DNAL1: variants seen among roughly 807,000 people sequenced by gnomAD.
DNAL1 encodes the protein dynein axonemal light chain 1.
In DNAL1, 17 loss-of-function variants were observed where a neutral mutation model predicts 29.4. The ratio of observed to expected loss-of-function variants is 0.58; its 90% CI spans 0.40 to 0.87. DNAL1 has a LOEUF of 0.87. Ranked by LOEUF, DNAL1 falls within the 40% of genes least tolerant of loss-of-function variation. The pLI, the probability that DNAL1 is intolerant of heterozygous loss-of-function variation, is 0.00. For missense variants in DNAL1, 188 were observed against 214.1 expected, an observed-to-expected ratio of 0.88 and a Z score of 0.76; for synonymous variants, 78 against 76.3, an observed-to-expected ratio of 1.02 and a Z score of -0.12.
intron 1 of DNAL1, among the ~76,000 whole-genome samples, chr14:73,649,438 A>G (rs914458563): frequency 2.7e-5 from 4 of 150,846 alleles, no homozygotes; most frequent in African/African-American, 9.7e-5. Flanking sequence ...GCCTGCCACC[A>G]CGCCCGGCAC....
intron 7 of DNAL1, among the ~76,000 whole-genome samples, chr14:73,691,180 TAATC>T (rs777990359): frequency 3.9e-5 from 6 of 152,330 alleles, no homozygotes; most frequent in Admixed American, 3.3e-4. Flanking sequence ...TTAAATAAAA[TAATC>T]TATGTGAAAC....
At chr14:73,688,336 G>GCAGT (rs1892072196) in intron 6 of DNAL1, among the ~76,000 whole-genome samples, 2 of 152,192 alleles carry the variant, frequency 1.3e-5, no homozygotes, top group South Asian at 4.1e-4. Flanking sequence ...GAGGCCAGGT[G>GCAGT]CAGTGGCTCT....
chr14:73,655,331 TTTTC>T (rs1252168565), intron 2 of DNAL1, among the ~76,000 whole-genome samples: 2 of 151,622 alleles, frequency 1.3e-5, no homozygotes, highest in Non-Finnish European at 2.9e-5. Flanking sequence ...TACATTTTCT[TTTTC>T]TTTTTCTTTT....
At chr14:73,650,977 C>T (rs1256028419) in intron 1 of DNAL1, among the ~76,000 whole-genome samples, 3 of 152,066 alleles carry the variant, frequency 2.0e-5, no homozygotes, top group Non-Finnish European at 2.9e-5. Flanking sequence ...AGAACTTTAT[C>T]AAGTACTTTT....
At chr14:73,658,335 G>A (rs867002779) in intron 2 of DNAL1, among the ~76,000 whole-genome samples, 5 of 152,150 alleles carry the variant, frequency 3.3e-5, no homozygotes, top group Non-Finnish European at 5.9e-5. Flanking sequence ...ATCAGGTAGT[G>A]TGATAACATC....
Position 73,701,738 on chromosome 14 carries a change from C to G in DNAL1, c.*5796C>G, listed in dbSNP as rs1397814822. 1 of 152,162 alleles carries G rather than the reference C, an allele frequency of 6.6e-6. No homozygotes were observed. Among genetic ancestry groups the G allele is most frequent in the Non-Finnish European group, 1.5e-5 (1 of 68,028 alleles). The allele number at this position is 152,162 out of a possible 1,614,324, so 9.4% of individuals were successfully genotyped here. On this transcript the variant is annotated 3_prime_UTR_variant, in exon 8 of 8. Coordinates refer to ENST00000553645, the MANE Select transcript of DNAL1 (RefSeq NM_031427.4). ...GGCAGTCATGATTACGAGCATCATT[C>G]CAGAATCTTTGGCTTCTAGAACCAA...
intron 5 of DNAL1, among the ~76,000 whole-genome samples, chr14:73,680,049 T>G (rs1212026845): frequency 6.6e-6 from 1 of 152,190 alleles, no homozygotes; most frequent in Non-Finnish European, 1.5e-5. Context: ...ATCATGCTGC[T>G]TTAATTTTCT....
chr14:73,676,014 G>A (rs190250908), intron 5 of DNAL1, among the ~76,000 whole-genome samples: 6 of 150,750 alleles, frequency 4.0e-5, no homozygotes, highest in African/African-American at 7.3e-5. Flanking sequence ...ACTTTGTCTC[G>A]ATAAATAAAT....
At chr14:73,664,604 C>T (rs949951946) in intron 4 of DNAL1, among the ~76,000 whole-genome samples, 3 of 152,186 alleles carry the variant, frequency 2.0e-5, no homozygotes, top group African/African-American at 7.2e-5. Flanking sequence ...TACCATGGCT[C>T]ATGCCTATAA....
intron 4 of DNAL1, among the ~76,000 whole-genome samples, chr14:73,668,450 AATT>A (rs532720836): frequency 1.1e-4 from 17 of 152,326 alleles, no homozygotes; most frequent in African/African-American, 4.1e-4. Context: ...TTTAAAGAAT[AATT>A]ATGTGATTTT....
intron 4 of DNAL1, among the ~76,000 whole-genome samples, chr14:73,669,539 T>G (rs952138869): frequency 2.6e-4 from 40 of 152,080 alleles, no homozygotes; most frequent in Non-Finnish European, 5.3e-4. Flanking sequence ...CCTCCCAAAG[T>G]GCTGGGATTA....
At position 73,646,765 on chromosome 14, in the gene DNAL1, T is replaced by TAAAC. The variant is rs199640294; in HGVS notation, c.3+1737_3+1740dup. On this transcript the variant is annotated intron_variant, in intron 1 of 7. Coordinates refer to ENST00000553645, the MANE Select transcript of DNAL1 (RefSeq NM_031427.4). ...CAACAGAGCAAGACCCTGTCTCAAA[T>TAAAC]AAACAAACAAACAAACATAGAAAAG... Among the ~76,000 whole-genome samples, 1,248 of 151,820 alleles carry TAAAC rather than the reference T, an allele frequency of 8.2e-3. 24 individuals are homozygous for TAAAC. Among genetic ancestry groups the TAAAC allele is most frequent in the African/African-American group, 0.029 (1,180 of 41,372 alleles).
In DNAL1 at chr14:73,689,496, CA is replaced by C. The variant is rs1892115085; in HGVS notation, c.516del (p.Lys172AsnfsTer2). ...WIEEATKRVP[K>X]LKKLDGTPVI... ...TTGAAGAAGCAACCAAGAGAGTGCC[CA>C]AACTGAAAAAGCTGGATGGTGAGTG... On this transcript the variant is annotated frameshift_variant, in exon 7 of 8. Coordinates refer to ENST00000553645, the MANE Select transcript of DNAL1 (RefSeq NM_031427.4). LOFTEE classifies it high-confidence loss of function. 6.3e-7 allele frequency: 1 copy of C among 1,588,314 alleles called. No homozygotes were observed. Among genetic ancestry groups the C allele is most frequent in the Non-Finnish European group, 8.6e-7 (1 of 1,167,106 alleles).
chr14:73,687,706 A>T (rs992643553), intron 6 of DNAL1, among the ~76,000 whole-genome samples: 1 of 152,138 alleles, frequency 6.6e-6, no homozygotes, highest in African/African-American at 2.4e-5. Flanking sequence ...CCCCGTCTCT[A>T]CTAAAAATAC....
chr14:73,700,954 AG>A lies in DNAL1; in HGVS notation c.*5015del, dbSNP rs1326421129. ...AAAATGGGTGAACTTCCAAAAATCAAGGGTCATGTTTTAAAATCATGGAACT... is the reference window on the plus strand; with the variant it reads ...AAAATGGGTGAACTTCCAAAAATCAAGGTCATGTTTTAAAATCATGGAACT... On this transcript the variant is annotated 3_prime_UTR_variant, in exon 8 of 8. Transcript: ENST00000553645. 6.6e-6 allele frequency: 1 copy of A among 152,228 alleles called. No homozygotes were observed. The highest frequency in any genetic ancestry group is 1.5e-5 in the Non-Finnish European group (1 of 68,028). 9.4% of individuals were successfully genotyped at this position (152,228 alleles called of 1,614,324 possible). A position where few individuals can be genotyped will look rare whatever the true frequency, so the allele number is the denominator to read the frequency against.
chr14:73,684,439 C>T, intron 5 of DNAL1, among the ~76,000 whole-genome samples: 1 of 152,128 alleles, frequency 6.6e-6, no homozygotes, highest in Middle Eastern at 3.4e-3. Context: ...ATATAAAAGC[C>T]ATTTATTTTT....
intron 5 of DNAL1, among the ~76,000 whole-genome samples, chr14:73,679,319 G>A (rs1012420): frequency 0.23 from 35,534 of 151,908 alleles, 5,173 homozygotes; most frequent in Non-Finnish European, 0.33. Flanking sequence ...ATACTTGTTG[G>A]TTTTTTTAAA....
At chr14:73,689,841 G>T (rs1451817725) in intron 7 of DNAL1, among the ~76,000 whole-genome samples, 2 of 151,964 alleles carry the variant, frequency 1.3e-5, no homozygotes, top group Non-Finnish European at 2.9e-5. Context: ...TCTGAGACCA[G>T]CCTGGCCAAC....
intron 4 of DNAL1, among the ~76,000 whole-genome samples, chr14:73,670,404 G>T (rs1159044716): frequency 6.6e-6 from 1 of 152,146 alleles, no homozygotes; most frequent in Non-Finnish European, 1.5e-5. Context: ...ATTAGACAAA[G>T]AAGTTATAGA....
Sources: gnomAD v4.1 joint callset for allele counts (sites outside exome capture counted in the v4.1 genomes callset) on GRCh38, gnomAD v4.1.1 for gene constraint, MANE v1.5 for transcripts, NCBI Gene and HGNC (gene_info 2026-07-23, HGNC 2026-07-21) for gene names.